ADAM12: variants seen among roughly 807,000 people sequenced by gnomAD.
The protein encoded by ADAM12 is disintegrin and metalloproteinase domain-containing protein 12.
ADAM12 carries 70 observed loss-of-function variants against 106.4 expected under a neutral mutation model. The observed-to-expected ratio is 0.66, with a 90% CI of 0.54 to 0.80. The LOEUF (loss-of-function observed/expected upper bound fraction) is 0.80. Among genes scored for constraint, ADAM12 ranks in the 30% least tolerant of loss-of-function variants. The probability of loss-of-function intolerance (pLI) is 0.00; values close to 1 mark genes in which losing one functional copy is unlikely to be tolerated. For synonymous variants in ADAM12, 420 were observed against 433.5 expected (o/e 0.97, Z 0.39); for missense variants, 1,010 against 1,171.9 (o/e 0.86, Z 2.02).
chr10:126,182,215 G>A (rs752808763), intron 3 of ADAM12, among the ~76,000 whole-genome samples: 6 of 152,176 alleles, frequency 3.9e-5, no homozygotes, highest in African/African-American at 9.7e-5. Context: ...ACATGAACAT[G>A]TAGAGGGAGT....
chr10:126,218,319 ATGT>A (rs1049752890), intron 3 of ADAM12, among the ~76,000 whole-genome samples: 4 of 152,152 alleles, frequency 2.6e-5, no homozygotes, highest in Non-Finnish European at 5.9e-5. Context: ...CCTTCTAACT[ATGT>A]TGTTCACCTA....
Position 126,388,021 on chromosome 10 carries a change from G to A in ADAM12, c.88+37C>T, listed in dbSNP as rs1486590434. On this transcript the variant is annotated intron_variant, in intron 1 of 22. Transcript: ENST00000448723. This position sits in a 1 kb window ranked among gnomAD's most constrained non-coding sequence, Gnocchi z 4.4. ...AGGCGCAGCGTGCGGTGCCCTCGGC[G>A]GGGCGGGCAGCGAGCCGCCCTAGTT... 4.2e-6 allele frequency: 5 copies of A among 1,198,570 alleles called. No individual in the cohort carries two copies. The South Asian group carries it at 1.2e-4, about 30-fold the overall frequency. The allele number at this position is 1,198,570 out of a possible 1,614,324, so 74.2% of individuals were successfully genotyped here.
At chr10:126,337,249 C>A (rs1854734943) in intron 1 of ADAM12, among the ~76,000 whole-genome samples, 1 of 152,162 alleles carries the variant, frequency 6.6e-6, no homozygotes, top group Non-Finnish European at 1.5e-5. Flanking sequence ...GGTTGGGAAG[C>A]CACTGATGTA....
At chr10:126,150,187 T>G (rs1956703942) in intron 4 of ADAM12, among the ~76,000 whole-genome samples, 1 of 152,238 alleles carries the variant, frequency 6.6e-6, no homozygotes, top group Non-Finnish European at 1.5e-5. Context: ...CTTTTCTGTT[T>G]CTTTCTGAAA....
At chr10:126,116,871 C>T (rs1955993550) in intron 6 of ADAM12, among the ~76,000 whole-genome samples, 1 of 151,994 alleles carries the variant, frequency 6.6e-6, no homozygotes, top group Admixed American at 6.6e-5. Flanking sequence ...TTGGGATAAC[C>T]CCTACTGTTT....
intron 3 of ADAM12, among the ~76,000 whole-genome samples, chr10:126,184,188 A>G (rs1265778157): frequency 6.6e-6 from 1 of 152,214 alleles, no homozygotes; most frequent in East Asian, 1.9e-4. Context: ...GGGTCTTCCC[A>G]GTGTCAATCC....
At chr10:126,310,442 T>C (rs146335314) in intron 2 of ADAM12, among the ~76,000 whole-genome samples, 157 of 151,886 alleles carry the variant, frequency 1.0e-3, no homozygotes, top group African/African-American at 3.4e-3. Flanking sequence ...CCCCAGAGAA[T>C]GTAAGAGAAG....
chr10:126,223,708 T>C (rs953066509), intron 3 of ADAM12, among the ~76,000 whole-genome samples: 11 of 152,256 alleles, frequency 7.2e-5, no homozygotes, highest in African/African-American at 2.4e-4. Context: ...GACAGACACA[T>C]GCAGGACAGA....
chr10:126,147,875 C>T (rs1280711072), intron 4 of ADAM12, among the ~76,000 whole-genome samples: 1 of 152,198 alleles, frequency 6.6e-6, no homozygotes, highest in Non-Finnish European at 1.5e-5. Context: ...GGTCATGGTA[C>T]CTGCGTAGTG....
intron 3 of ADAM12, among the ~76,000 whole-genome samples, chr10:126,239,613 C>T (rs747284449): frequency 5.3e-5 from 8 of 152,010 alleles, no homozygotes; most frequent in Non-Finnish European, 1.0e-4. Flanking sequence ...TCGTTATTTC[C>T]TCCAAGAGAA....
chr10:126,250,224 C>T (rs970089152), intron 3 of ADAM12, among the ~76,000 whole-genome samples: 1 of 152,164 alleles, frequency 6.6e-6, no homozygotes, highest in African/African-American at 2.4e-5. Flanking sequence ...TCAATAAACC[C>T]AACAAATATC....
intron 3 of ADAM12, among the ~76,000 whole-genome samples, chr10:126,172,333 G>A (rs1957133896): frequency 6.6e-6 from 1 of 152,050 alleles, no homozygotes; most frequent in Non-Finnish European, 1.5e-5. Context: ...TCAGACTCTG[G>A]TTATTAGAGG....
chr10:126,235,458 A>G (rs1958395842), intron 3 of ADAM12, among the ~76,000 whole-genome samples: 1 of 152,202 alleles, frequency 6.6e-6, no homozygotes, highest in Non-Finnish European at 1.5e-5. Flanking sequence ...CTGGGCTCCA[A>G]GTCGGGCCCC....
At chr10:126,378,829 G>A (rs887486811) in intron 1 of ADAM12, among the ~76,000 whole-genome samples, 2 of 152,054 alleles carry the variant, frequency 1.3e-5, no homozygotes, top group Non-Finnish European at 2.9e-5. Flanking sequence ...ATGAATGATG[G>A]GGCCAGATTT....
At chr10:126,184,936 CTG>C (rs997863493) in intron 3 of ADAM12, among the ~76,000 whole-genome samples, 1 of 152,162 alleles carries the variant, frequency 6.6e-6, no homozygotes, top group Non-Finnish European at 1.5e-5. Flanking sequence ...GTGGGGAAAA[CTG>C]AGGTGGAAAG....
At chr10:126,159,307 CAAAAAAAAAA>C (rs3069557) in intron 3 of ADAM12, among the ~76,000 whole-genome samples, 2 of 80,622 alleles carry the variant, frequency 2.5e-5, no homozygotes, top group Non-Finnish European at 4.4e-5. Flanking sequence ...GAGACTCCAT[CAAAAAAAAAA>C]AAAAAAAAAA....
At chr10:126,261,838 T>C (rs1159069016) in intron 3 of ADAM12, among the ~76,000 whole-genome samples, 1 of 150,468 alleles carries the variant, frequency 6.6e-6, no homozygotes, top group African/African-American at 2.4e-5. Context: ...AGTCTCGCTG[T>C]GTCACCCAGG....
At chr10:126,359,436 C>T (rs1258687714) in intron 1 of ADAM12, among the ~76,000 whole-genome samples, 1 of 152,184 alleles carries the variant, frequency 6.6e-6, no homozygotes, top group Non-Finnish European at 1.5e-5. Flanking sequence ...TTCCTAGATA[C>T]AATGAGGGTA....
chr10:126,288,261 G>A lies in ADAM12; in HGVS notation c.187-9273C>T, dbSNP rs1959972609. 2.6e-5 allele frequency among the ~76,000 whole-genome samples: 4 copies of A among 152,190 alleles called. No individual in the cohort carries two copies. The South Asian group carries it at 8.3e-4, about 32-fold the overall frequency. On this transcript the variant is annotated intron_variant, in intron 2 of 22. Transcript: ENST00000448723. ...AAATGGACTTCCATACTGTTCTTCT[G>A]AGGAGAGTAGGCAGGGCTTGCCCTG...
Sources: allele counts gnomAD v4.1 joint callset (sites outside exome capture counted in the v4.1 genomes callset), GRCh38; gene constraint gnomAD v4.1.1; non-coding constraint Gnocchi (gnomAD v3.1); transcripts MANE v1.5; gene names NCBI Gene and HGNC (gene_info 2026-07-23, HGNC 2026-07-21).